Variants in SH3KBP1 observed in about 807,000 individuals in gnomAD.
SH3KBP1 encodes SH3 domain-containing kinase-binding protein 1.
Under a neutral mutation model 50.1 loss-of-function variants are expected in SH3KBP1, and 8 were observed. That is an observed-to-expected ratio of 0.16 (90% CI 0.09 to 0.29). SH3KBP1 has a LOEUF of 0.29. Ranked by LOEUF, SH3KBP1 falls within the 10% of genes least tolerant of loss-of-function variation. The pLI is 1.00. For synonymous variants in SH3KBP1, 227 were observed against 218.6 expected, an observed-to-expected ratio of 1.04 and a Z score of -0.34; for missense variants, 377 against 535.2, an observed-to-expected ratio of 0.70 and a Z score of 2.92.
intron 7 of SH3KBP1, among the ~76,000 whole-genome samples, chrX:19,644,657 C>T (rs944596248): frequency 7.1e-5 from 8 of 112,501 alleles, no homozygotes; most frequent in Admixed American, 9.4e-5. Context: ...GAAGACTTCA[C>T]ATGAAGAGAG....
In SH3KBP1 at chrX:19,836,173, C is replaced by T; in HGVS notation, c.114G>A (p.Glu38=). ...NIRKEDGGWW[E]GQINGRRGLF... ...AACCTCTCCTGCCGTTGATCTGTCC[C>T]TCCCACCAGCCTCCATCCTCCTTCC... The change falls in exon 2 of 18, where the codon GAG becomes GAA. Residue 38 remains glutamate (E), a synonymous_variant. Coordinates refer to ENST00000397821, the MANE Select transcript of SH3KBP1 (RefSeq NM_031892.3). The T allele has an allele frequency of 8.3e-7, 1 of 1,211,077 alleles. No individual in the cohort carries two copies. Among genetic ancestry groups the T allele is most frequent in the South Asian group, 1.8e-5 (1 of 56,957 alleles).
intron 6 of SH3KBP1, among the ~76,000 whole-genome samples, chrX:19,648,821 T>G (rs1262524372): frequency 1.8e-5 from 2 of 111,393 alleles, no homozygotes; most frequent in Non-Finnish European, 3.8e-5. Flanking sequence ...GCCCCCGCCC[T>G]TCCCTACATA....
chrX:19,821,322 C>A (rs1349346753), intron 2 of SH3KBP1, among the ~76,000 whole-genome samples: 1 of 111,084 alleles, frequency 9.0e-6, no homozygotes, highest in African/African-American at 3.3e-5. Flanking sequence ...ACCTGAGAGG[C>A]AGAGATTGCA....
At chrX:19,600,616 G>A (rs997876776) in intron 9 of SH3KBP1, among the ~76,000 whole-genome samples, 1 of 111,217 alleles carries the variant, frequency 9.0e-6, no homozygotes, top group East Asian at 2.8e-4. Flanking sequence ...GGGGTCCTCC[G>A]GGCTAAGTAG....
intron 12 of SH3KBP1, among the ~76,000 whole-genome samples, chrX:19,582,340 C>T (rs1222006200): frequency 8.9e-6 from 1 of 111,992 alleles, no homozygotes; most frequent in African/African-American, 3.2e-5. Context: ...CACCAGCACC[C>T]ATGGGAGGAC....
chrX:19,683,352 T>C (rs1379210466), intron 6 of SH3KBP1: 2 of 367,590 alleles, frequency 5.4e-6, no homozygotes, highest in African/African-American at 2.6e-5. Context: ...CTTTCAACAG[T>C]CTGAAATTAT....
chrX:19,708,701 AC>A (rs2063710503), intron 3 of SH3KBP1, among the ~76,000 whole-genome samples: 1 of 111,299 alleles, frequency 9.0e-6, no homozygotes, highest in African/African-American at 3.3e-5. Flanking sequence ...CCCACTCCTG[AC>A]CCCTGCGACT....
chrX:19,554,308 A>ATAT (rs1318927700), intron 13 of SH3KBP1, among the ~76,000 whole-genome samples: 1 of 87,235 alleles, frequency 1.1e-5, no homozygotes, highest in African/African-American at 4.6e-5. Flanking sequence ...TATCATATTA[A>ATAT]AATATACATC....
chrX:19,694,620 G>A (rs933649851), intron 5 of SH3KBP1, among the ~76,000 whole-genome samples: 13 of 110,998 alleles, frequency 1.2e-4, no homozygotes, highest in Non-Finnish European at 2.1e-4. Flanking sequence ...GGTATGTCAG[G>A]CTACATCATC....
At chrX:19,572,517 T>C (rs1427923077) in intron 12 of SH3KBP1, among the ~76,000 whole-genome samples, 1 of 107,936 alleles carries the variant, frequency 9.3e-6, no homozygotes, top group Non-Finnish European at 1.9e-5. Flanking sequence ...ATATGTCACA[T>C]ATATGTACTC....
At chrX:19,582,314 A>G (rs1427562778) in intron 12 of SH3KBP1, among the ~76,000 whole-genome samples, 4 of 111,791 alleles carry the variant, frequency 3.6e-5, no homozygotes, top group South Asian at 3.8e-4. Context: ...TGTCACTATC[A>G]TCAACTCCCA....
At chrX:19,631,787 A>C in intron 8 of SH3KBP1, 77 bp downstream of exon 8, 1 of 572,397 alleles carries the variant, frequency 1.7e-6, no homozygotes, top group Non-Finnish European at 2.8e-6. Flanking sequence ...TCAAGCGCTG[A>C]AGCAAAAGCT....
intron 5 of SH3KBP1, among the ~76,000 whole-genome samples, chrX:19,691,254 G>A (rs1471220007): frequency 9.5e-6 from 1 of 105,558 alleles, no homozygotes; most frequent in Non-Finnish European, 1.9e-5. Context: ...CCTCCAAGTG[G>A]ATTATCCATC....
rs1205483522 is a variant in SH3KBP1, at chrX:19,779,857, T to C, written c.163-33416A>G. 3.3e-3 allele frequency among the ~76,000 whole-genome samples: 335 copies of C among 101,008 alleles called. 1 individual carries two copies. Among genetic ancestry groups the C allele is most frequent in the Non-Finnish European group, 4.4e-3 (217 of 49,484 alleles). The allele number at this position is 101,008 out of a possible 115,157, so 87.7% of individuals were successfully genotyped here. A position where few individuals can be genotyped will look rare whatever the true frequency, so the allele number is the denominator to read the frequency against. Reference sequence around the variant, plus strand: ...GGACATTTGGGTTGGTTCCAAGTCTTTGCTATTGTGAATAATGCCGCAATA... The same window carrying C: ...GGACATTTGGGTTGGTTCCAAGTCTCTGCTATTGTGAATAATGCCGCAATA... On this transcript the variant is annotated intron_variant, in intron 2 of 17. Coordinates refer to ENST00000397821, the MANE Select transcript of SH3KBP1 (RefSeq NM_031892.3).
At chrX:19,542,976 G>C (rs183841384) in intron 15 of SH3KBP1, among the ~76,000 whole-genome samples, 4 of 112,300 alleles carry the variant, frequency 3.6e-5, no homozygotes, top group Admixed American at 1.9e-4. Flanking sequence ...TCTGGAGCTG[G>C]AGAGAACTGC....
rs766977495 is a variant in SH3KBP1 at position 19,652,355 on chromosome X, T to C, written c.727-6880A>G. Among the ~76,000 whole-genome samples the C allele has an allele frequency of 5.4e-5, 6 of 111,518 alleles. No individual in the cohort carries two copies. In the South Asian group the frequency reaches 2.3e-3, roughly 42 times the overall value. ...ATCTCAGCTATGTTTCCAGTGAACA[T>C]CTCTCTGCCTGACTTCCAAATACTC... On this transcript the variant is annotated intron_variant, in intron 6 of 17. Transcript: ENST00000397821.
chrX:19,841,249 G>A (rs975106845), intron 1 of SH3KBP1, among the ~76,000 whole-genome samples: 3 of 111,438 alleles, frequency 2.7e-5, no homozygotes, highest in African/African-American at 9.8e-5. Flanking sequence ...CCTAGGACCA[G>A]TTCACCTCAC....
At chrX:19,767,029 T>G (rs1469561804) in intron 2 of SH3KBP1, among the ~76,000 whole-genome samples, 2 of 111,411 alleles carry the variant, frequency 1.8e-5, no homozygotes, top group Admixed American at 9.6e-5. Flanking sequence ...ATGAGAATAG[T>G]AGTATCTAAT....
At position 19,634,796 on chromosome X, in the gene SH3KBP1, G is replaced by A. The variant is rs375036193; in HGVS notation, c.803-2838C>T. On this transcript the variant is annotated intron_variant, in intron 7 of 17. Coordinates refer to ENST00000397821, the MANE Select transcript of SH3KBP1 (RefSeq NM_031892.3). ...GTAAAATCAGGGACCAGCTAAGGAG[G>A]GGAGAGAGGAGAGTCTGGTTAACTT... Among the ~76,000 whole-genome samples the A allele has an allele frequency of 5.4e-5, 6 of 111,998 alleles. No individual in the cohort carries two copies. In the East Asian group the frequency reaches 1.1e-3, roughly 21 times the overall value.
Sources: gnomAD v4.1 joint callset for allele counts (sites outside exome capture counted in the v4.1 genomes callset) on GRCh38, gnomAD v4.1.1 for gene constraint, MANE v1.5 for transcripts, NCBI Gene and HGNC (gene_info 2026-07-23, HGNC 2026-07-21) for gene names.